Variants in CFAP20DC observed in about 807,000 individuals in gnomAD.
The protein encoded by CFAP20DC is protein CFAP20DC.
CFAP20DC carries 84 observed loss-of-function variants against 101.7 expected under a neutral mutation model. The observed-to-expected ratio is 0.83, with a 90% CI of 0.69 to 0.99. The LOEUF is 0.99. CFAP20DC is among the 50% of genes least tolerant of loss of function. CFAP20DC has a pLI of 0.00. For synonymous variants in CFAP20DC, 359 were observed against 351.2 expected, an observed-to-expected ratio of 1.02 and a Z score of -0.25; for missense variants, 1,007 against 970.3, an observed-to-expected ratio of 1.04 and a Z score of -0.50.
At position 58,788,522 on chromosome 3, in the gene CFAP20DC, T is replaced by C. The variant is rs770726240; in HGVS notation, c.2237+17873A>G. On this transcript the variant is annotated intron_variant, in intron 15 of 16. Coordinates refer to ENST00000482387, the MANE Select transcript of CFAP20DC (RefSeq NM_001394063.1). This position sits in a 1 kb window ranked among gnomAD's most constrained non-coding sequence, Gnocchi z 4.2. ...TTCCTAAATCTCAGCAAGACGTGGC[T>C]GGTCACAAAATGGGATGCTAACATA... 1.3e-5 allele frequency among the ~76,000 whole-genome samples: 2 copies of C among 152,146 alleles called. No homozygotes were observed. Among genetic ancestry groups the C allele is most frequent in the African/African-American group, 4.8e-5 (2 of 41,440 alleles).
intron 4 of CFAP20DC, among the ~76,000 whole-genome samples, chr3:59,021,547 T>C (rs1406694765): frequency 6.6e-6 from 1 of 152,046 alleles, no homozygotes; most frequent in Non-Finnish European, 1.5e-5. Context: ...CCTCTAAAAT[T>C]GAAACCAGCT....
intron 5 of CFAP20DC, among the ~76,000 whole-genome samples, chr3:58,921,987 T>C (rs1259928288): frequency 6.6e-6 from 1 of 152,250 alleles, no homozygotes; most frequent in Admixed American, 6.5e-5. Context: ...TGAAGTCTAA[T>C]TTGTCTGCTA....
At chr3:58,810,996 A>C (rs1559625752) in intron 14 of CFAP20DC, among the ~76,000 whole-genome samples, 1 of 152,172 alleles carries the variant, frequency 6.6e-6, no homozygotes, top group African/African-American at 2.4e-5. Flanking sequence ...CCAACTTACA[A>C]GGGATGTGAA....
chr3:58,808,334 A>G (rs1313357363), intron 14 of CFAP20DC, among the ~76,000 whole-genome samples: 2 of 152,248 alleles, frequency 1.3e-5, no homozygotes, highest in Non-Finnish European at 1.5e-5. Context: ...GGTACCCACA[A>G]AGGGAAGCCC....
intron 6 of CFAP20DC, among the ~76,000 whole-genome samples, chr3:58,900,020 A>C (rs1397145138): frequency 6.6e-6 from 1 of 152,220 alleles, no homozygotes. Context: ...GGAGAATCTA[A>C]TAGCATAAGG....
chr3:58,982,144 A>C (rs2092575836), intron 4 of CFAP20DC, among the ~76,000 whole-genome samples: 1 of 152,244 alleles, frequency 6.6e-6, no homozygotes, highest in South Asian at 2.1e-4. Context: ...AATGCAAATC[A>C]AAACCACAAT....
intron 15 of CFAP20DC, among the ~76,000 whole-genome samples, chr3:58,774,263 C>A (rs930786388): frequency 6.6e-6 from 1 of 152,046 alleles, no homozygotes; most frequent in African/African-American, 2.4e-5. Context: ...TCTTGATTAA[C>A]AAAGCTGAAT....
downstream of CFAP20DC, among the ~76,000 whole-genome samples, chr3:58,739,040 A>T (rs1054825101): frequency 1.3e-5 from 2 of 152,240 alleles, no homozygotes; most frequent in Admixed American, 6.5e-5. Flanking sequence ...GATGTTATTG[A>T]AATGACTGAT....
chr3:58,948,306 A>G (rs570330660), intron 4 of CFAP20DC, among the ~76,000 whole-genome samples: 1 of 152,326 alleles, frequency 6.6e-6, no homozygotes, highest in East Asian at 1.9e-4. Context: ...AATTATATTC[A>G]TCTATCACAG....
intron 4 of CFAP20DC, among the ~76,000 whole-genome samples, chr3:58,944,689 T>C: frequency 6.7e-6 from 1 of 148,412 alleles, no homozygotes. Flanking sequence ...ATAATACTTG[T>C]TTCTCTGCTG....
Position 58,869,293 on chromosome 3 carries a change from C to T in CFAP20DC, c.1015+35G>A. On this transcript the variant is annotated intron_variant, in intron 9 of 16. Transcript: ENST00000482387. The surrounding 1 kb of genome is among the most constrained non-coding windows in gnomAD (Gnocchi z 4.3). ...ACAAGAACATTTCTCACTATTTTCACTAGCTATCAATCTTTATGCATGATT... is the reference window on the plus strand; with the variant it reads ...ACAAGAACATTTCTCACTATTTTCATTAGCTATCAATCTTTATGCATGATT... 6.5e-7 allele frequency: 1 copy of T among 1,538,850 alleles called. No individual in the cohort carries two copies. Among genetic ancestry groups the T allele is most frequent in the Non-Finnish European group, 8.9e-7 (1 of 1,123,606 alleles).
chr3:58,810,543 G>A (rs2074528848), intron 14 of CFAP20DC, among the ~76,000 whole-genome samples: 1 of 151,924 alleles, frequency 6.6e-6, no homozygotes, highest in Admixed American at 6.6e-5. Flanking sequence ...AGGTATTGAT[G>A]GGACGTATTT....
chr3:58,800,292 A>G (rs1454489292), intron 15 of CFAP20DC, among the ~76,000 whole-genome samples: 1 of 152,204 alleles, frequency 6.6e-6, no homozygotes, highest in Non-Finnish European at 1.5e-5. Flanking sequence ...GGTGATGGCA[A>G]CCTGCACTCA....
intron 4 of CFAP20DC, among the ~76,000 whole-genome samples, chr3:58,968,789 A>G (rs980547095): frequency 2.0e-5 from 3 of 152,116 alleles, no homozygotes; most frequent in Non-Finnish European, 4.4e-5. Context: ...GCCCGTTCCT[A>G]TATCCAGGAT....
downstream of CFAP20DC, among the ~76,000 whole-genome samples, chr3:58,739,064 A>G (rs2067822309): frequency 6.6e-6 from 1 of 152,124 alleles, no homozygotes; most frequent in Non-Finnish European, 1.5e-5. Flanking sequence ...AATGAAACTA[A>G]TCTAAAAATC....
intron 15 of CFAP20DC, among the ~76,000 whole-genome samples, 155 bp downstream of exon 15, chr3:58,806,240 G>A (rs1055145588): frequency 6.6e-6 from 1 of 152,156 alleles, no homozygotes; most frequent in Non-Finnish European, 1.5e-5. Context: ...CTATTCTAAA[G>A]TCCAAAGAAG....
intron 13 of CFAP20DC, among the ~76,000 whole-genome samples, chr3:58,842,581 T>A (rs1333894199): frequency 1.3e-5 from 2 of 151,706 alleles, no homozygotes; most frequent in African/African-American, 2.4e-5. Context: ...GGCAGCGAGC[T>A]GGGGGAGGGG....
intron 5 of CFAP20DC, among the ~76,000 whole-genome samples, chr3:58,920,072 CTTTTTTTTTTT>C (rs71091396): frequency 1.3e-4 from 6 of 46,786 alleles, no homozygotes; most frequent in African/African-American, 3.4e-4. Flanking sequence ...GGTGGATATT[CTTTTTTTTTTT>C]TTTTTTTTTT....
chr3:58,909,725 G>GTTTAA (rs927497791), intron 6 of CFAP20DC, among the ~76,000 whole-genome samples: 1 of 152,010 alleles, frequency 6.6e-6, no homozygotes, highest in Non-Finnish European at 1.5e-5. Flanking sequence ...ATTAAATTAA[G>GTTTAA]TTTAATTTAA....
Sources: gnomAD v4.1 joint callset for allele counts (sites outside exome capture counted in the v4.1 genomes callset) on GRCh38, gnomAD v4.1.1 for gene constraint, Gnocchi (gnomAD v3.1) non-coding constraint, MANE v1.5 for transcripts, NCBI Gene and HGNC (gene_info 2026-07-23, HGNC 2026-07-21) for gene names.